SERPINI2: variants seen among roughly 807,000 people sequenced by gnomAD.
SERPINI2 encodes the protein serpin family I member 2.
Under a neutral mutation model 47.3 loss-of-function variants are expected in SERPINI2, and 48 were observed. The ratio of observed to expected loss-of-function variants is 1.02; its 90% CI spans 0.81 to 1.29. The LOEUF (loss-of-function observed/expected upper bound fraction) is 1.29, where lower values mean the gene tolerates loss of function less well. Ranked by LOEUF, SERPINI2 falls within the 50% of genes most tolerant of loss-of-function variation. The pLI is 0.00. For missense variants in SERPINI2, 448 were observed against 456.9 expected (o/e 0.98, Z 0.18); for synonymous variants, 135 against 149.3 (o/e 0.90, Z 0.70).
At chr3:167,468,309 ATG>A (rs139032950) in intron 2 of SERPINI2, among the ~76,000 whole-genome samples, 11 of 150,856 alleles carry the variant, frequency 7.3e-5, no homozygotes, top group Admixed American at 6.6e-5. Context: ...AATAAGGAGG[ATG>A]TGTGTGTGTG....
intron 5 of SERPINI2, among the ~76,000 whole-genome samples, chr3:167,463,908 G>A (rs1342179144): frequency 2.6e-5 from 4 of 151,700 alleles, no homozygotes; most frequent in African/African-American, 9.7e-5. Flanking sequence ...AAGGAGTGCT[G>A]AGCTCTAGTC....
At chr3:167,458,971 C>T (rs955620857) in intron 5 of SERPINI2, among the ~76,000 whole-genome samples, 8 of 152,240 alleles carry the variant, frequency 5.3e-5, no homozygotes, top group Middle Eastern at 3.4e-3. Context: ...TTTGCCCATA[C>T]ACACAGTTTT....
intron 8 of SERPINI2, 90 bp from the exon 9 acceptor site, chr3:167,442,275 A>G (rs1044298417): frequency 9.8e-6 from 9 of 919,342 alleles, no homozygotes; most frequent in Non-Finnish European, 1.3e-5. Context: ...TTAACATGTC[A>G]TTTGGTCTTT....
At chr3:167,461,826 C>T (rs1186077978) in intron 5 of SERPINI2, among the ~76,000 whole-genome samples, 1 of 152,034 alleles carries the variant, frequency 6.6e-6, no homozygotes, top group African/African-American at 2.4e-5. Flanking sequence ...TTCTTTGTTG[C>T]TCCTGCTGGT....
At chr3:167,446,985 G>A (rs1442000384) in intron 7 of SERPINI2, 6 of 151,966 alleles carry the variant, frequency 3.9e-5, no homozygotes, top group Middle Eastern at 6.8e-3. Context: ...ATGTGTGTGA[G>A]ATTTTTATTA....
chr3:167,458,245 CT>C (rs949215365), intron 5 of SERPINI2, among the ~76,000 whole-genome samples: 2,357 of 105,270 alleles, frequency 0.022, 17 homozygotes, highest in African/African-American at 0.08. Context: ...GAATTTCTTT[CT>C]TTTTTTTTTT....
chr3:167,459,452 A>C (rs1749920766), intron 5 of SERPINI2, among the ~76,000 whole-genome samples: 1 of 152,162 alleles, frequency 6.6e-6, no homozygotes, highest in South Asian at 2.1e-4. Context: ...ATTTTAGCTA[A>C]CATTCAACTG....
At chr3:167,449,924 T>C (rs1023074129) in intron 6 of SERPINI2, among the ~76,000 whole-genome samples, 4 of 152,192 alleles carry the variant, frequency 2.6e-5, no homozygotes, top group Non-Finnish European at 5.9e-5. Flanking sequence ...CAGAGAGAGA[T>C]CAAGTTTTTC....
exon 1 of SERPINI2, chr3:167,474,100 C>T: frequency 9.9e-7 from 1 of 1,009,884 alleles, no homozygotes; most frequent in Non-Finnish European, 1.2e-6. Context: ...AAGGCCAACT[C>T]CATTTATCTT....
At chr3:167,466,011 C>G (rs1750124929) in intron 3 of SERPINI2, among the ~76,000 whole-genome samples, 1 of 152,006 alleles carries the variant, frequency 6.6e-6, no homozygotes, top group African/African-American at 2.4e-5. Flanking sequence ...TGGTATTATT[C>G]CATCTATTTC....
At chr3:167,471,617 TGTC>T in exon 2 of SERPINI2, 1 of 1,613,586 alleles carries the variant, frequency 6.2e-7, no homozygotes, top group East Asian at 2.2e-5. Flanking sequence ...TTTTAAAGTT[TGTC>T]TTATCTGCTG....
At chr3:167,446,326 A>G (rs914593737) in intron 8 of SERPINI2, 66 bp downstream of exon 8, 2 of 1,061,236 alleles carry the variant, frequency 1.9e-6, no homozygotes, top group Admixed American at 2.0e-5. Context: ...GTACATTGCA[A>G]TTAGAAACTG....
chr3:167,449,701 C>T (rs943111950), intron 6 of SERPINI2, among the ~76,000 whole-genome samples: 1 of 91,454 alleles, frequency 1.1e-5, no homozygotes, highest in Non-Finnish European at 2.0e-5. Flanking sequence ...GGCATGTTGG[C>T]CAGGTGGTCC....
At chr3:167,476,772 A>G (rs957077121), upstream of SERPINI2, among the ~76,000 whole-genome samples, 7 of 152,044 alleles carry the variant, frequency 4.6e-5, no homozygotes, top group African/African-American at 1.7e-4. Flanking sequence ...GGTGCATTCT[A>G]TTTATATGTG....
chr3:167,443,350 T>G (rs9873601), intron 8 of SERPINI2, among the ~76,000 whole-genome samples: 29,041 of 152,080 alleles, frequency 0.19, 4,110 homozygotes, highest in African/African-American at 0.39. Flanking sequence ...CTCGTGATCC[T>G]CCCGCCTCAG....
In SERPINI2 at chr3:167,465,112, G is replaced by T. The variant is rs11920533; in HGVS notation, c.866+94C>A. 11,068 of 1,102,572 alleles carry T rather than the reference G, an allele frequency of 0.01. 785 individuals carry two copies. In the African/African-American group the frequency reaches 0.15, roughly 15 times the overall value. 68.3% of individuals were successfully genotyped at this position (1,102,572 alleles called of 1,614,324 possible). On this transcript the variant is annotated intron_variant, in intron 5 of 8. Coordinates refer to ENST00000264677, the Ensembl canonical transcript of SERPINI2. The stretch of plus-strand genomic sequence containing the variant: ...ATTTGTATTTTCATTTGTGTCAATA[G>T]ACTTTTCAAGTATTTGTTACCTTTC...
intron 5 of SERPINI2, among the ~76,000 whole-genome samples, chr3:167,453,908 CT>C (rs1413692355): frequency 6.7e-4 from 102 of 152,300 alleles, no homozygotes; most frequent in African/African-American, 2.4e-3. Context: ...TACTTATTGA[CT>C]TCATAGATGC....
intron 2 of SERPINI2, among the ~76,000 whole-genome samples, chr3:167,469,099 T>C (rs1750235012): frequency 6.6e-6 from 1 of 152,212 alleles, no homozygotes; most frequent in African/African-American, 2.4e-5. Flanking sequence ...TGGAGAAGAA[T>C]ATAACATTAT....
At chr3:167,459,449 C>G (rs192542311) in intron 5 of SERPINI2, among the ~76,000 whole-genome samples, 142 of 152,044 alleles carry the variant, frequency 9.3e-4, no homozygotes, top group African/African-American at 3.3e-3. Flanking sequence ...ATTATTTTAG[C>G]TAACATTCAA....
Sources: gnomAD v4.1 joint callset for allele counts (sites outside exome capture counted in the v4.1 genomes callset) on GRCh38, gnomAD v4.1.1 for gene constraint, MANE v1.5 for transcripts, NCBI Gene and HGNC (gene_info 2026-07-23, HGNC 2026-07-21) for gene names.